MIA3: variants seen among roughly 807,000 people sequenced by gnomAD.
MIA3 encodes the protein MIA SH3 domain ER export factor 3.
A neutral mutation model predicts 192.4 loss-of-function variants in MIA3; 90 were observed. The observed-to-expected ratio is 0.47, with a 90% CI of 0.39 to 0.56. The LOEUF (loss-of-function observed/expected upper bound fraction) is 0.56, where lower values mean the gene tolerates loss of function less well. MIA3 is among the 20% of genes least tolerant of loss of function. The pLI, the probability that MIA3 is intolerant of heterozygous loss-of-function variation, is 0.00. For missense variants in MIA3, 2,123 were observed against 2,269.4 expected, an observed-to-expected ratio of 0.94 and a Z score of 1.31; for synonymous variants, 740 against 792.8, an observed-to-expected ratio of 0.93 and a Z score of 1.12.
chr1:222,641,382 T>TA (rs1425351666), intron 6 of MIA3: 2 of 397,780 alleles, frequency 5.0e-6, no homozygotes, highest in African/African-American at 4.1e-5. Flanking sequence ...GCCCAAGGGG[T>TA]ATCCCTCTGC....
At chr1:222,662,443 T>G (rs1205621439) in intron 26 of MIA3, 111 bp downstream of exon 26, 2 of 1,564,682 alleles carry the variant, frequency 1.3e-6, no homozygotes, top group Non-Finnish European at 1.7e-6. Flanking sequence ...CTATCTCATT[T>G]ATTTTTTAAA....
chr1:222,660,049 T>G, intron 23 of MIA3, 43 bp downstream of exon 23: 2 of 1,588,816 alleles, frequency 1.3e-6, no homozygotes, highest in Non-Finnish European at 1.7e-6. Context: ...TGTTTTTTGA[T>G]GTAAAATGTA....
chr1:222,621,447 G>A (rs1456421667), intron 2 of MIA3, among the ~76,000 whole-genome samples, 155 bp downstream of exon 2: 1 of 152,164 alleles, frequency 6.6e-6, no homozygotes, highest in Non-Finnish European at 1.5e-5. Context: ...TCCCCAGCAG[G>A]CCTTGGGTCT....
chr1:222,636,506 C>CTTTTTTT (rs34208115), intron 6 of MIA3, among the ~76,000 whole-genome samples: 4 of 74,028 alleles, frequency 5.4e-5, no homozygotes, highest in Non-Finnish European at 8.4e-5. Context: ...TAGTGTCCAT[C>CTTTTTTT]TTTTTTTTTT....
chr1:222,619,598 C>G (rs1180058790), intron 1 of MIA3, among the ~76,000 whole-genome samples: 2 of 152,218 alleles, frequency 1.3e-5, no homozygotes, highest in Admixed American at 6.5e-5. Flanking sequence ...CAAAGCCACG[C>G]TGTTACCCAT....
chr1:222,629,926 C>T lies in MIA3; in HGVS notation c.2706C>T (p.Asp902=), dbSNP rs1341324319. 1.1e-5 allele frequency: 18 copies of T among 1,614,020 alleles called. No homozygotes were observed. The highest frequency in any genetic ancestry group is 5.0e-5 in the Admixed American group (3 of 60,002). Residue 902 remains aspartate (D), a synonymous_variant, in exon 4 of 28, where the codon GAC becomes GAT. Coordinates refer to ENST00000344922, the MANE Select transcript of MIA3 (RefSeq NM_198551.4). ...CTGCTGCTGCAGAACCTGAAGATGACTCGTTCCACTGGACTCCACATACAA... is the reference window on the plus strand; with the variant it reads ...CTGCTGCTGCAGAACCTGAAGATGATTCGTTCCACTGGACTCCACATACAA... The part of the protein sequence containing the change: ...QGSAAAEPED[D]SFHWTPHTSV...
intron 6 of MIA3, among the ~76,000 whole-genome samples, chr1:222,635,054 G>C (rs1662568743): frequency 1.3e-5 from 2 of 152,178 alleles, no homozygotes. Context: ...GAATACCTGA[G>C]GGTTTCAGGA....
At chr1:222,635,197 G>A (rs1451541390) in intron 6 of MIA3, among the ~76,000 whole-genome samples, 1 of 152,232 alleles carries the variant, frequency 6.6e-6, no homozygotes, top group African/African-American at 2.4e-5. Flanking sequence ...AGTTTTCAGG[G>A]ATTAAGACAG....
At chr1:222,658,845 G>A in intron 19 of MIA3, 22 bp downstream of exon 19, 1 of 1,522,580 alleles carries the variant, frequency 6.6e-7, no homozygotes, top group East Asian at 2.3e-5. Context: ...TCCTAAAGAG[G>A]GTATCAGTGG....
rs763751166 is a variant in MIA3 at position 222,628,909 on chromosome 1, A to C, written c.1689A>C (p.Ala563=). The C allele has an allele frequency of 3.1e-6, 5 of 1,614,218 alleles. No homozygotes were observed. The highest frequency in any genetic ancestry group is 2.5e-6 in the Non-Finnish European group (3 of 1,180,030). Residue 563 remains alanine (A), a synonymous_variant, in exon 4 of 28, where the codon GCA becomes GCC. Transcript: ENST00000344922. ...GSESESAQKA[A]GNQMNDRKIQ... ...AGAGTGAATCTGCACAGAAAGCTGC[A>C]GGGAATCAAATGAATGACAGAAAGA...
At chr1:222,621,439 C>A in intron 2 of MIA3, 147 bp downstream of exon 2, 1 of 758,546 alleles carries the variant, frequency 1.3e-6, no homozygotes, top group Non-Finnish European at 2.1e-6. Flanking sequence ...GCCCTGTGTC[C>A]CCAGCAGGCC....
chr1:222,639,623 A>G (rs989682945), intron 6 of MIA3, among the ~76,000 whole-genome samples: 1 of 152,174 alleles, frequency 6.6e-6, no homozygotes, highest in Non-Finnish European at 1.5e-5. Flanking sequence ...GACAAACTTT[A>G]AAAAGACAAT....
At position 222,665,713 on chromosome 1, in the gene MIA3, A is replaced by ATT; in HGVS notation, c.*97_*98dup. On this transcript the variant is annotated 3_prime_UTR_variant, in exon 28 of 28. Coordinates refer to ENST00000344922, the MANE Select transcript of MIA3 (RefSeq NM_198551.4). The stretch of plus-strand genomic sequence containing the variant: ...CATTGGCTTCAAAATCCAAAAGTTT[A>ATT]TTTTAAAAGGTTTGTTGTTAGAACT... 1 of 1,123,516 alleles carries ATT rather than the reference A, an allele frequency of 8.9e-7. No homozygotes were observed. 69.6% of individuals were successfully genotyped at this position (1,123,516 alleles called of 1,614,324 possible). A position where few individuals can be genotyped will look rare whatever the true frequency, so the allele number is the denominator to read the frequency against.
chr1:222,654,341 T>C (rs766523774), intron 16 of MIA3, 43 bp downstream of exon 16: 8 of 1,612,104 alleles, frequency 5.0e-6, no homozygotes, highest in African/African-American at 4.0e-5. Context: ...GTGAATACTT[T>C]TACTATGCCT....
At chr1:222,622,748 C>T (rs1013674133) in intron 2 of MIA3, among the ~76,000 whole-genome samples, 3 of 152,076 alleles carry the variant, frequency 2.0e-5, no homozygotes, top group Admixed American at 6.5e-5. Flanking sequence ...TTTTTCCACT[C>T]CTCATCTTTG....
At chr1:222,636,554 C>G (rs1662634450) in intron 6 of MIA3, among the ~76,000 whole-genome samples, 1 of 148,350 alleles carries the variant, frequency 6.7e-6, no homozygotes, top group African/African-American at 2.5e-5. Context: ...GCTCTGTTGC[C>G]CAGGCTAGAG....
Position 222,654,709 on chromosome 1 carries a change from G to T in MIA3, c.4523G>T (p.Gly1508Val), listed in dbSNP as rs751510104. Residue 1508 changes from glycine to valine, a missense_variant, in exon 18 of 28, where the codon GGA (glycine) becomes GTA (valine). Coordinates refer to ENST00000344922, the MANE Select transcript of MIA3 (RefSeq NM_198551.4). ...DRNSLQAAKA[G>V]LEDECKTLRQ... is the part of the protein sequence containing the mutation. ...AACTCACTACAAGCTGCCAAAGCTG[G>T]ACTGGAAGATGAATGCAAAACCTTG... 6.2e-7 allele frequency: 1 copy of T among 1,614,138 alleles called. No homozygotes were observed. Among genetic ancestry groups the T allele is most frequent in the Non-Finnish European group, 8.5e-7 (1 of 1,179,976 alleles).
intron 6 of MIA3, among the ~76,000 whole-genome samples, chr1:222,637,456 T>A (rs976036120): frequency 8.5e-5 from 13 of 152,228 alleles, no homozygotes; most frequent in African/African-American, 3.1e-4. Context: ...GAGAAACTTA[T>A]GATCAAGTAT....
At chr1:222,650,106 A>G (rs1172275018) in intron 8 of MIA3, 186 bp from the exon 9 acceptor site, 1 of 604,378 alleles carries the variant, frequency 1.7e-6, no homozygotes, top group Non-Finnish European at 3.1e-6. Flanking sequence ...ACTGGGTACT[A>G]TAATTTGTTA....
Sources: allele counts gnomAD v4.1 joint callset (sites outside exome capture counted in the v4.1 genomes callset), GRCh38; gene constraint gnomAD v4.1.1; transcripts MANE v1.5; gene names NCBI Gene and HGNC (gene_info 2026-07-23, HGNC 2026-07-21).